The following KHDRBS2 variants were observed in gnomAD, a reference collection of about 807,000 sequenced individuals.
The protein encoded by KHDRBS2 is KH domain-containing, RNA-binding, signal transduction-associated protein 2.
KHDRBS2 carries 26 observed loss-of-function variants against 44.3 expected under a neutral mutation model. The ratio of observed to expected loss-of-function variants is 0.59; its 90% CI spans 0.43 to 0.81. The LOEUF (loss-of-function observed/expected upper bound fraction) is 0.81, where lower values mean the gene tolerates loss of function less well. Ranked by LOEUF, KHDRBS2 falls within the 40% of genes least tolerant of loss-of-function variation. The pLI, the probability that KHDRBS2 is intolerant of heterozygous loss-of-function variation, is 0.00. For synonymous variants in KHDRBS2, 194 were observed against 151.1 expected (o/e 1.28, Z -2.08); for missense variants, 476 against 433.1 (o/e 1.10, Z -0.88).
At chr6:61,771,036 A>T (rs541679019) in intron 6 of KHDRBS2, among the ~76,000 whole-genome samples, 1 of 152,338 alleles carries the variant, frequency 6.6e-6, no homozygotes, top group African/African-American at 2.4e-5. Flanking sequence ...AATATTCAAC[A>T]TTCTTAAAGA....
intron 6 of KHDRBS2, among the ~76,000 whole-genome samples, chr6:61,786,514 G>C (rs1232158236): frequency 1.3e-5 from 2 of 151,932 alleles, no homozygotes; most frequent in African/African-American, 4.8e-5. Context: ...CAAACAATCT[G>C]CTAAAGGAAA....
rs1813038990 is a variant in KHDRBS2 at position 61,945,117 on chromosome 6, A to ATATG, written c.483+32948_483+32949insCATA. Among the ~76,000 whole-genome samples the ATATG allele has an allele frequency of 1.1e-4, 6 of 52,978 alleles. 1 individual carries two copies. The highest frequency in any genetic ancestry group is 2.2e-4 in the African/African-American group (3 of 13,804). 34.8% of individuals were successfully genotyped at this position (52,978 alleles called of 152,430 possible). On this transcript the variant is annotated intron_variant, in intron 4 of 8. Transcript: ENST00000281156. ...AAAAAAAAAAAAAAAAAAAAAGTAT[A>ATATG]TATATATATATATATATATATATAT...
At chr6:61,943,367 T>TA (rs1237756675) in intron 4 of KHDRBS2, among the ~76,000 whole-genome samples, 4 of 151,012 alleles carry the variant, frequency 2.6e-5, no homozygotes, top group South Asian at 2.1e-4. Context: ...ATGACACCAT[T>TA]AAAAAAACCA....
chr6:61,769,775 CAA>C (rs1018306070), intron 6 of KHDRBS2, among the ~76,000 whole-genome samples: 3 of 152,210 alleles, frequency 2.0e-5, no homozygotes, highest in Admixed American at 6.5e-5. Flanking sequence ...CACAGACAAA[CAA>C]AAAGACAGCA....
At chr6:61,990,232 A>AT (rs1178433439) in intron 3 of KHDRBS2, among the ~76,000 whole-genome samples, 5 of 152,302 alleles carry the variant, frequency 3.3e-5, no homozygotes, top group East Asian at 1.9e-4. Context: ...CTGAAATCAG[A>AT]TTTTTTGTCC....
At chr6:61,854,016 T>C (rs62414687) in intron 6 of KHDRBS2, among the ~76,000 whole-genome samples, 25,427 of 152,212 alleles carry the variant, frequency 0.17, 2,253 homozygotes, top group Non-Finnish European at 0.2. Context: ...CTGGGACATC[T>C]AGTCTCTATT....
chr6:61,584,637 T>A, the KHDRBS2 span, among the ~76,000 whole-genome samples: 2 of 151,828 alleles, frequency 1.3e-5, no homozygotes, highest in Admixed American at 6.6e-5. Flanking sequence ...ATTAAAAGGA[T>A]GACTTAACAA....
At chr6:61,563,630 G>A in the KHDRBS2 span, among the ~76,000 whole-genome samples, 1 of 152,042 alleles carries the variant, frequency 6.6e-6, no homozygotes, top group African/African-American at 2.4e-5. Flanking sequence ...TGGATTTATA[G>A]GAATCAAGGG....
chr6:61,832,867 G>A (rs547640733), intron 6 of KHDRBS2, among the ~76,000 whole-genome samples: 1 of 152,132 alleles, frequency 6.6e-6, no homozygotes, highest in South Asian at 2.1e-4. Context: ...TTGGTTTTAA[G>A]TCTACAGCAA....
intron 2 of KHDRBS2, among the ~76,000 whole-genome samples, chr6:62,159,597 C>A (rs1817196308): frequency 6.6e-6 from 1 of 152,110 alleles, no homozygotes; most frequent in Non-Finnish European, 1.5e-5. Flanking sequence ...GTTGGGACAT[C>A]TACTCCTCAC....
chr6:62,121,021 C>T (rs964892507), intron 2 of KHDRBS2, among the ~76,000 whole-genome samples: 5 of 152,114 alleles, frequency 3.3e-5, no homozygotes, highest in African/African-American at 1.2e-4. Flanking sequence ...CACTGTGGTC[C>T]TCCAGTTAAA....
chr6:61,660,377 C>T, the KHDRBS2 span, among the ~76,000 whole-genome samples: 1 of 151,664 alleles, frequency 6.6e-6, no homozygotes, highest in African/African-American at 2.4e-5. Flanking sequence ...CAACTCTTCC[C>T]TAAGGTCTTT....
At chr6:62,169,111 A>G (rs1336328125) in intron 2 of KHDRBS2, among the ~76,000 whole-genome samples, 1 of 142,448 alleles carries the variant, frequency 7.0e-6, no homozygotes, top group Non-Finnish European at 1.5e-5. Flanking sequence ...ATATACACAT[A>G]TATGTGTGTA....
intron 2 of KHDRBS2, among the ~76,000 whole-genome samples, chr6:62,169,580 G>A (rs1355933822): frequency 1.3e-5 from 2 of 152,082 alleles, no homozygotes; most frequent in African/African-American, 2.4e-5. Context: ...CTGGGCAGTA[G>A]CCCTTATGGA....
At chr6:61,838,890 C>T (rs1442510826) in intron 6 of KHDRBS2, among the ~76,000 whole-genome samples, 1 of 151,996 alleles carries the variant, frequency 6.6e-6, no homozygotes, top group Non-Finnish European at 1.5e-5. Context: ...AAGTTTTTCC[C>T]TTGCATGAGA....
chr6:61,978,057 G>A lies in KHDRBS2; in HGVS notation c.483+9C>T, dbSNP rs1773064536. On this transcript the variant is annotated intron_variant, in intron 4 of 8. Transcript: ENST00000281156. ...AGAAACATCTTTGTAAAAAATGAAAGACACTTACAGGAACCAGGAATTTTT... is the reference window on the plus strand; with the variant it reads ...AGAAACATCTTTGTAAAAAATGAAAAACACTTACAGGAACCAGGAATTTTT... 8.3e-6 allele frequency: 13 copies of A among 1,571,610 alleles called. No homozygotes were observed. Among genetic ancestry groups the A allele is most frequent in the Non-Finnish European group, 1.1e-5 (13 of 1,165,094 alleles).
the KHDRBS2 span, among the ~76,000 whole-genome samples, chr6:61,645,463 T>TAA: frequency 7.3e-6 from 1 of 137,042 alleles, no homozygotes; most frequent in Non-Finnish European, 1.6e-5. Context: ...CACTTGAACC[T>TAA]AAAAAAAAAA....
At chr6:62,261,260 A>G (rs1356447344) in intron 1 of KHDRBS2, among the ~76,000 whole-genome samples, 2 of 151,878 alleles carry the variant, frequency 1.3e-5, no homozygotes, top group East Asian at 3.9e-4. Flanking sequence ...GTCCTTGTCA[A>G]TTTCTCCAGT....
At chr6:62,046,960 A>G (rs1255294288) in intron 3 of KHDRBS2, among the ~76,000 whole-genome samples, 5 of 151,970 alleles carry the variant, frequency 3.3e-5, no homozygotes, top group Admixed American at 1.3e-4. Context: ...TACAGTAAAG[A>G]TACTTTATGT....
Sources: allele counts gnomAD v4.1 joint callset (sites outside exome capture counted in the v4.1 genomes callset), GRCh38; gene constraint gnomAD v4.1.1; transcripts MANE v1.5; gene names NCBI Gene and HGNC (gene_info 2026-07-23, HGNC 2026-07-21).